NREP: variants seen among roughly 807,000 people sequenced by gnomAD.
The protein encoded by NREP is neuronal regeneration related protein, also known as neuronal regeneration-related protein.
Under a neutral mutation model 8.6 loss-of-function variants are expected in NREP, and 5 were observed. The ratio of observed to expected loss-of-function variants is 0.58; its 90% CI spans 0.30 to 1.22. The LOEUF is 1.22. Among genes scored for constraint, NREP ranks in the 50% most tolerant of loss-of-function variants. The pLI, the probability that NREP is intolerant of heterozygous loss-of-function variation, is 0.07. For synonymous variants in NREP, 27 were observed against 28.0 expected, an observed-to-expected ratio of 0.96 and a Z score of 0.11; for missense variants, 86 against 82.5, an observed-to-expected ratio of 1.04 and a Z score of -0.17.
chr5:111,821,733 C>T (rs772859330), intron 2 of NREP, among the ~76,000 whole-genome samples: 4 of 152,144 alleles, frequency 2.6e-5, no homozygotes, highest in Non-Finnish European at 5.9e-5. Flanking sequence ...CCCTTTCTCT[C>T]TTCACCAAAC....
intron 2 of NREP, among the ~76,000 whole-genome samples, chr5:111,800,122 G>T (rs1291907987): frequency 2.0e-5 from 3 of 151,558 alleles, no homozygotes; most frequent in Non-Finnish European, 2.9e-5. Context: ...TAGAGACAGG[G>T]TTTCACCATA....
At chr5:111,739,693 G>A (rs1435397711) in intron 2 of NREP, 4 of 151,726 alleles carry the variant, frequency 2.6e-5, no homozygotes, top group African/African-American at 9.7e-5. Context: ...TTTTCATGAA[G>A]GCCAATTAAA....
intron 2 of NREP, among the ~76,000 whole-genome samples, chr5:111,835,899 CCTT>C (rs747018063): frequency 2.0e-5 from 3 of 151,994 alleles, no homozygotes; most frequent in Non-Finnish European, 2.9e-5. Flanking sequence ...AAAATGGGTC[CCTT>C]CTTCATCTTA....
At chr5:111,889,764 C>T (rs1754349661) in intron 2 of NREP, among the ~76,000 whole-genome samples, 1 of 152,060 alleles carries the variant, frequency 6.6e-6, no homozygotes, top group Non-Finnish European at 1.5e-5. Context: ...CACTTGGGTG[C>T]AAGTGGGCTG....
intron 2 of NREP, among the ~76,000 whole-genome samples, chr5:111,858,310 T>C (rs1175398865): frequency 6.6e-6 from 1 of 152,084 alleles, no homozygotes; most frequent in African/African-American, 2.4e-5. Flanking sequence ...GTAAGGTTTC[T>C]TTCTATTTTA....
intron 2 of NREP, among the ~76,000 whole-genome samples, chr5:111,937,046 T>C (rs1290106763): frequency 1.3e-5 from 2 of 152,096 alleles, no homozygotes; most frequent in African/African-American, 2.4e-5. Context: ...CTGGGATTAA[T>C]TTCTTTACAA....
chr5:111,854,856 CCCATATAGAT>C (rs1476775909), intron 2 of NREP, among the ~76,000 whole-genome samples: 3 of 152,138 alleles, frequency 2.0e-5, no homozygotes, highest in Non-Finnish European at 4.4e-5. Context: ...TCTTTACACA[CCCATATAGAT>C]CCAGAGAAAA....
intron 2 of NREP, among the ~76,000 whole-genome samples, chr5:111,879,762 A>C (rs1754002507): frequency 6.6e-6 from 1 of 152,202 alleles, no homozygotes; most frequent in South Asian, 2.1e-4. Flanking sequence ...CTTTGGTGAG[A>C]GTTCCTTCCT....
intron 2 of NREP, among the ~76,000 whole-genome samples, chr5:111,844,351 T>C (rs1314321151): frequency 6.6e-6 from 1 of 152,002 alleles, no homozygotes; most frequent in Non-Finnish European, 1.5e-5. Context: ...TCTCATCTTA[T>C]GTTAAAGTGT....
At chr5:111,948,138 G>A (rs994899896) in intron 2 of NREP, among the ~76,000 whole-genome samples, 15 of 152,048 alleles carry the variant, frequency 9.9e-5, no homozygotes, top group African/African-American at 3.6e-4. Flanking sequence ...TAATCTTCCT[G>A]ATAAATCCAG....
intron 2 of NREP, among the ~76,000 whole-genome samples, chr5:111,797,942 A>G (rs1340797781): frequency 1.3e-5 from 2 of 152,216 alleles, no homozygotes; most frequent in African/African-American, 2.4e-5. Context: ...GTGAAAACTG[A>G]TAAGAAAACC....
intron 2 of NREP, among the ~76,000 whole-genome samples, chr5:111,878,645 G>T (rs187616225): frequency 6.6e-6 from 1 of 152,140 alleles, no homozygotes; most frequent in African/African-American, 2.4e-5. Flanking sequence ...TTTGTTTGCC[G>T]TTGTCTTAAA....
chr5:111,735,324 T>C, intron 3 of NREP, 106 bp downstream of exon 3: 1 of 704,664 alleles, frequency 1.4e-6, no homozygotes. Flanking sequence ...TAATGGATTG[T>C]TATAGCAGCC....
chr5:111,925,975 C>G (rs1163738259), intron 2 of NREP, among the ~76,000 whole-genome samples: 1 of 152,120 alleles, frequency 6.6e-6, no homozygotes, highest in African/African-American at 2.4e-5. Flanking sequence ...TTTTCTGCTG[C>G]CTGCAGAGCT....
chr5:111,912,855 G>A (rs1425308464), intron 2 of NREP: 1 of 152,114 alleles, frequency 6.6e-6, no homozygotes, highest in African/African-American at 2.4e-5. Flanking sequence ...AATAGCTGGA[G>A]AAGAACTGGC....
At chr5:111,927,836 C>A (rs1337559874) in intron 2 of NREP, among the ~76,000 whole-genome samples, 2 of 152,132 alleles carry the variant, frequency 1.3e-5, no homozygotes, top group African/African-American at 4.8e-5. Context: ...GCCACAGATC[C>A]TACTGTAACT....
At chr5:111,750,185 A>T (rs1444900989) in intron 2 of NREP, among the ~76,000 whole-genome samples, 2 of 152,254 alleles carry the variant, frequency 1.3e-5, no homozygotes, top group East Asian at 3.9e-4. Flanking sequence ...GTAAAAAGGT[A>T]CTATGCTTAC....
chr5:111,757,607 A>AGGCGCGCGCGCCCCGACACCC (rs1750811483), upstream of NREP: 1 of 983,342 alleles, frequency 1.0e-6, no homozygotes, highest in African/African-American at 1.8e-5. Context: ...AGCGGCCAAC[A>AGGCGCGCGCGCCCCGACACCC]GGCGCGCGCG....
intron 2 of NREP, among the ~76,000 whole-genome samples, chr5:111,842,101 T>C: frequency 6.6e-6 from 1 of 152,294 alleles, no homozygotes; most frequent in South Asian, 2.1e-4. Flanking sequence ...ACACTGAGTT[T>C]AGAGCCATAT....
Sources: allele counts gnomAD v4.1 joint callset (sites outside exome capture counted in the v4.1 genomes callset), GRCh38; gene constraint gnomAD v4.1.1; transcripts MANE v1.5; gene names NCBI Gene and HGNC (gene_info 2026-07-23, HGNC 2026-07-21).